TUSC3: variants seen among roughly 807,000 people sequenced by gnomAD.
TUSC3 encodes dolichyl-diphosphooligosaccharide--protein glycosyltransferase subunit TUSC3.
TUSC3 carries 45 observed loss-of-function variants against 44.8 expected under a neutral mutation model. The observed-to-expected ratio is 1.00, with a 90% CI of 0.79 to 1.29. The LOEUF (loss-of-function observed/expected upper bound fraction) is 1.29, where lower values mean the gene tolerates loss of function less well. TUSC3 is among the 50% of genes most tolerant of loss of function. TUSC3 has a pLI of 0.00. For missense variants in TUSC3, 519 were observed against 437.9 expected (o/e 1.19, Z -1.65); for synonymous variants, 212 against 152.9 (o/e 1.39, Z -2.85).
At chr8:15,522,862 A>C (rs147986166) in intron 2 of TUSC3, among the ~76,000 whole-genome samples, 11 of 152,292 alleles carry the variant, frequency 7.2e-5, no homozygotes, top group Non-Finnish European at 1.3e-4. Flanking sequence ...TTGTCTACAC[A>C]AATGTGCTAT....
intron 5 of TUSC3, among the ~76,000 whole-genome samples, chr8:15,662,919 A>G (rs1807489866): frequency 6.6e-6 from 1 of 151,904 alleles, no homozygotes. Context: ...GTAGAAGAAA[A>G]TGAAATTCTA....
chr8:15,553,373 A>C (rs1341261107), intron 1 of TUSC3, among the ~76,000 whole-genome samples: 1 of 151,692 alleles, frequency 6.6e-6, no homozygotes, highest in East Asian at 2.0e-4. Flanking sequence ...CGATGCTTGC[A>C]AAAGATCCTT....
intron 1 of TUSC3, among the ~76,000 whole-genome samples, chr8:15,437,516 G>T (rs1015041602): frequency 1.1e-4 from 17 of 152,166 alleles, no homozygotes; most frequent in Non-Finnish European, 8.8e-5. Flanking sequence ...GCAATGAAAA[G>T]AATTTTTAAC....
chr8:15,841,843 A>G, the TUSC3 span, among the ~76,000 whole-genome samples: 2 of 152,186 alleles, frequency 1.3e-5, no homozygotes, highest in African/African-American at 2.4e-5. Flanking sequence ...ATGTGTAACT[A>G]CAAATGTACT....
chr8:15,419,373 T>G (rs1016095008), intron 1 of TUSC3, among the ~76,000 whole-genome samples: 11 of 152,236 alleles, frequency 7.2e-5, no homozygotes, highest in Non-Finnish European at 1.2e-4. Flanking sequence ...GAAAGACATT[T>G]GAGTTCAGTA....
At chr8:15,650,929 G>A in intron 3 of TUSC3, 115 bp downstream of exon 3, 2 of 1,054,126 alleles carry the variant, frequency 1.9e-6, no homozygotes, top group East Asian at 2.5e-5. Context: ...GGCGGAGGTT[G>A]CAGTGAGCCG....
intron 1 of TUSC3, among the ~76,000 whole-genome samples, chr8:15,428,224 G>GT (rs1563248403): frequency 6.7e-6 from 1 of 148,834 alleles, no homozygotes; most frequent in African/African-American, 2.5e-5. Context: ...GTGGTGTTTG[G>GT]TTTTTTGTCC....
the TUSC3 span, among the ~76,000 whole-genome samples, chr8:15,851,075 C>A: frequency 3.9e-4 from 60 of 152,100 alleles, no homozygotes; most frequent in African/African-American, 1.4e-3. Flanking sequence ...CAATGGACGA[C>A]GCGACGCTTT....
At position 15,589,584 on chromosome 8, in the gene TUSC3, A is replaced by C. The variant is rs533317055; in HGVS notation, c.139-33496A>C. Among the ~76,000 whole-genome samples the C allele has an allele frequency of 4.6e-5, 7 of 152,324 alleles. No individual in the cohort carries two copies. In the South Asian group the frequency reaches 6.2e-4, roughly 14 times the overall value. ...TGAGATAGACAATTAGCTTGCTGCCACATTGGAATTTATAAGTAATGTACT... is the reference window on the plus strand; with the variant it reads ...TGAGATAGACAATTAGCTTGCTGCCCCATTGGAATTTATAAGTAATGTACT... On this transcript the variant is annotated intron_variant, in intron 1 of 10. Transcript: ENST00000503731.
At chr8:15,450,655 G>T (rs1800185987) in intron 1 of TUSC3, among the ~76,000 whole-genome samples, 5 of 152,186 alleles carry the variant, frequency 3.3e-5, no homozygotes, top group Non-Finnish European at 7.3e-5. Flanking sequence ...GGGAGACAGA[G>T]TGAGACTCGG....
intron 1 of TUSC3, among the ~76,000 whole-genome samples, chr8:15,592,446 C>G (rs984691450): frequency 3.9e-5 from 6 of 152,102 alleles, no homozygotes; most frequent in African/African-American, 1.4e-4. Context: ...TGGTGGATCC[C>G]TCATGAATGA....
chr8:15,456,799 A>C (rs1021981846), intron 1 of TUSC3, among the ~76,000 whole-genome samples: 1 of 152,138 alleles, frequency 6.6e-6, no homozygotes, highest in Admixed American at 6.5e-5. Context: ...GGAGGAAAAA[A>C]ACTCAACGAC....
intron 2 of TUSC3, among the ~76,000 whole-genome samples, chr8:15,648,569 A>G (rs934400574): frequency 6.6e-6 from 1 of 151,732 alleles, no homozygotes; most frequent in Non-Finnish European, 1.5e-5. Context: ...TACTAAAAAT[A>G]CAAAAAATTA....
chr8:15,571,644 G>C (rs1012429955), intron 1 of TUSC3, among the ~76,000 whole-genome samples: 8 of 152,104 alleles, frequency 5.3e-5, no homozygotes, highest in African/African-American at 1.9e-4. Context: ...AAATTAAGTT[G>C]GCCACATTGA....
chr8:15,455,021 A>G (rs1800237505), intron 1 of TUSC3, among the ~76,000 whole-genome samples: 1 of 152,158 alleles, frequency 6.6e-6, no homozygotes, highest in African/African-American at 2.4e-5. Context: ...TAGGGGTTGG[A>G]GGGTACAAGA....
rs62502089 is a variant in TUSC3, at chr8:15,647,485, G to C, written c.309-3212G>C. On this transcript the variant is annotated intron_variant, in intron 2 of 10. Transcript: ENST00000503731. ...TGTTTCTGATTTTAATGATTACTTA[G>C]AATCTATTCTTTTCATCTCGAAGTC... 7.2e-3 allele frequency among the ~76,000 whole-genome samples: 1,089 copies of C among 152,072 alleles called. 7 individuals are homozygous for C. The highest frequency in any genetic ancestry group is 0.011 in the Non-Finnish European group (753 of 67,962).
At chr8:15,647,678 AC>A (rs1452484144) in intron 2 of TUSC3, among the ~76,000 whole-genome samples, 2 of 152,050 alleles carry the variant, frequency 1.3e-5, no homozygotes, top group African/African-American at 4.8e-5. Flanking sequence ...CATTCACACT[AC>A]CTTTTCTATC....
rs192624176 is a variant in TUSC3, at chr8:15,507,251, A to G, written n.189+23768A>G. Among the ~76,000 whole-genome samples the G allele has an allele frequency of 4.6e-5, 7 of 152,318 alleles. No individual in the cohort carries two copies. In the East Asian group the frequency reaches 1.4e-3, roughly 29 times the overall value. ...GTTCCTGTATTTTACATTTAAAAAC[A>G]TGGTTTGTCCTGTTGCATATTTTAA... On this transcript the variant is annotated intron_variant and non_coding_transcript_variant, in intron 2 of 5. Transcript: ENST00000503191.
intron 6 of TUSC3, among the ~76,000 whole-genome samples, chr8:15,679,267 T>TC (rs1276718581): frequency 6.7e-6 from 1 of 149,084 alleles, no homozygotes; most frequent in African/African-American, 2.5e-5. Context: ...TGGAAGCATC[T>TC]TTTTTTTTTG....
Sources: allele counts gnomAD v4.1 joint callset (sites outside exome capture counted in the v4.1 genomes callset), GRCh38; gene constraint gnomAD v4.1.1; transcripts MANE v1.5; gene names NCBI Gene and HGNC (gene_info 2026-07-23, HGNC 2026-07-21).